The following ADGRV1 variants were observed in gnomAD, a reference collection of about 807,000 sequenced individuals.
The protein encoded by ADGRV1 is G-protein coupled receptor 98.
ADGRV1 carries 359 observed loss-of-function variants against 596.2 expected under a neutral mutation model. The ratio of observed to expected loss-of-function variants is 0.60; its 90% CI spans 0.55 to 0.66. ADGRV1 has a LOEUF of 0.66. ADGRV1 is among the 30% of genes least tolerant of loss of function. The pLI, the probability that ADGRV1 is intolerant of heterozygous loss-of-function variation, is 0.00. For synonymous variants in ADGRV1, 2,681 were observed against 2,679.2 expected (o/e 1.00, Z -0.02); for missense variants, 7,274 against 7,575.6 (o/e 0.96, Z 1.48).
At chr5:90,931,807 T>C (rs1469476378) in intron 83 of ADGRV1, among the ~76,000 whole-genome samples, 1 of 152,190 alleles carries the variant, frequency 6.6e-6, no homozygotes, top group Non-Finnish European at 1.5e-5. Flanking sequence ...AGGCATATAC[T>C]TGAAAATCCT....
chr5:90,639,978 A>AAT (rs1159733232), intron 11 of ADGRV1, among the ~76,000 whole-genome samples: 2 of 152,210 alleles, frequency 1.3e-5, no homozygotes, highest in African/African-American at 4.8e-5. Flanking sequence ...ATTTCAACTC[A>AAT]ATATAGACAA....
chr5:90,795,325 T>C (rs1760574288), intron 70 of ADGRV1, among the ~76,000 whole-genome samples: 1 of 152,096 alleles, frequency 6.6e-6, no homozygotes, highest in South Asian at 2.1e-4. Context: ...GGGAGGAGCG[T>C]CCACCATGGC....
chr5:90,863,954 C>T, intron 83 of ADGRV1, 97 bp downstream of exon 83: 1 of 780,398 alleles, frequency 1.3e-6, no homozygotes, highest in Non-Finnish European at 2.2e-6. Flanking sequence ...TTAATCTCAA[C>T]TTAGTTGAAA....
intron 87 of ADGRV1, among the ~76,000 whole-genome samples, chr5:91,105,085 T>C (rs577273225): frequency 6.6e-6 from 1 of 152,216 alleles, no homozygotes; most frequent in Non-Finnish European, 1.5e-5. Flanking sequence ...CCCAGGCTGC[T>C]CTTGAACTCC....
At chr5:90,836,296 C>A (rs1429735673) in intron 77 of ADGRV1, among the ~76,000 whole-genome samples, 1 of 152,140 alleles carries the variant, frequency 6.6e-6, no homozygotes, top group African/African-American at 2.4e-5. Flanking sequence ...TTTATAGTAG[C>A]TTATTAATAA....
intron 61 of ADGRV1, among the ~76,000 whole-genome samples, 181 bp from the exon 62 acceptor site, chr5:90,777,724 G>C (rs960803948): frequency 2.0e-5 from 3 of 151,960 alleles, no homozygotes; most frequent in Non-Finnish European, 2.9e-5. Flanking sequence ...TAATACTTTG[G>C]GTGTTACTAT....
intron 85 of ADGRV1, among the ~76,000 whole-genome samples, chr5:90,992,298 T>G (rs549613621): frequency 2.0e-5 from 3 of 152,358 alleles, no homozygotes; most frequent in South Asian, 2.1e-4. Flanking sequence ...TTATGGCGAT[T>G]AATTATACAA....
At chr5:90,863,216 T>G (rs575197087) in intron 82 of ADGRV1, among the ~76,000 whole-genome samples, 3 of 152,344 alleles carry the variant, frequency 2.0e-5, no homozygotes, top group Admixed American at 1.3e-4. Flanking sequence ...AATTGCAAGA[T>G]AAAAGATTTG....
At chr5:91,063,622 T>C (rs192644676) in intron 85 of ADGRV1, among the ~76,000 whole-genome samples, 33 of 152,368 alleles carry the variant, frequency 2.2e-4, no homozygotes, top group Admixed American at 1.8e-3. Context: ...CAGATGATTC[T>C]GATGTTAGTT....
rs747541782 is a variant in ADGRV1 at position 90,724,831 on chromosome 5, G to A, written c.9749-1G>A. 2 of 1,612,590 alleles carry A rather than the reference G, an allele frequency of 1.2e-6. No homozygotes were observed. The highest frequency in any genetic ancestry group is 1.7e-6 in the Non-Finnish European group (2 of 1,179,136). The stretch of plus-strand genomic sequence containing the variant: ...AGTAAACCATGATTTGTGTTTTTCA[G>A]GGGGAATGGATGTTGTGTTTTCCGT... On this transcript the variant is annotated splice_acceptor_variant, in intron 45 of 89. Transcript: ENST00000405460. LOFTEE classifies it high-confidence loss of function.
chr5:90,840,899 AAC>A lies in ADGRV1; in HGVS notation c.16935_16936del (p.Asn5645LysfsTer17), dbSNP rs1197891109. ...TCAGCCTGTGAATGATGATATTCTC[AAC>A]AGAGTGCTCCATACCATCAGCATGA... ...LHQPVNDDILNRVLHTISMKV... is the reference protein window; with the variant it reads ...LHQPVNDDILXRVLHTISMKV... On this transcript the variant is annotated frameshift_variant, in exon 78 of 90. Coordinates refer to ENST00000405460, the MANE Select transcript of ADGRV1 (RefSeq NM_032119.4). LOFTEE classifies it high-confidence loss of function. The A allele has an allele frequency of 6.3e-7, 1 of 1,588,314 alleles. No homozygotes were observed. Among genetic ancestry groups the A allele is most frequent in the Non-Finnish European group, 8.6e-7 (1 of 1,165,262 alleles).
intron 85 of ADGRV1, among the ~76,000 whole-genome samples, chr5:91,035,005 CAAGCAATCCTCCCA>C (rs761551432): frequency 4.6e-5 from 7 of 152,132 alleles, no homozygotes; most frequent in Non-Finnish European, 7.4e-5. Flanking sequence ...CTCCTGGCCT[CAAGCAATCCTCCCA>C]AAGTACTGGG....
chr5:91,051,730 G>A (rs1786350394), intron 85 of ADGRV1, among the ~76,000 whole-genome samples: 2 of 151,890 alleles, frequency 1.3e-5, no homozygotes, highest in East Asian at 1.9e-4. Context: ...TGTATTTTTA[G>A]TAGAGATGGG....
At chr5:90,972,314 A>G (rs1779115970) in intron 84 of ADGRV1, among the ~76,000 whole-genome samples, 1 of 152,188 alleles carries the variant, frequency 6.6e-6, no homozygotes, top group South Asian at 2.1e-4. Flanking sequence ...GTTAACAAGG[A>G]TATCCAGGAA....
chr5:90,735,827 T>C (rs915252575), intron 50 of ADGRV1, among the ~76,000 whole-genome samples: 20 of 152,182 alleles, frequency 1.3e-4, no homozygotes, highest in Middle Eastern at 3.2e-3. Context: ...TGATTTTGTA[T>C]CCTACGACTT....
chr5:90,828,848 A>C (rs1764278807), intron 76 of ADGRV1, 96 bp from the exon 77 acceptor site: 2 of 664,498 alleles, frequency 3.0e-6, no homozygotes, highest in Admixed American at 7.4e-5. Context: ...TTCTCTAAAA[A>C]TGTATATGAA....
chr5:91,155,129 G>A (rs1796371750), intron 89 of ADGRV1, among the ~76,000 whole-genome samples: 1 of 152,110 alleles, frequency 6.6e-6, no homozygotes, highest in Non-Finnish European at 1.5e-5. Context: ...ATGAAGCTTA[G>A]AGTTTGCTAG....
intron 83 of ADGRV1, among the ~76,000 whole-genome samples, chr5:90,871,844 A>G (rs1018937648): frequency 1.3e-5 from 2 of 152,240 alleles, no homozygotes; most frequent in African/African-American, 4.8e-5. Context: ...ATGGGGTAAC[A>G]TCTGTCAACT....
intron 83 of ADGRV1, among the ~76,000 whole-genome samples, chr5:90,937,603 A>G (rs4916696): frequency 0.22 from 34,000 of 151,680 alleles, 4,503 homozygotes; most frequent in East Asian, 0.4. Flanking sequence ...GACTACAGGC[A>G]CCCACCACCA....
Sources: allele counts gnomAD v4.1 joint callset (sites outside exome capture counted in the v4.1 genomes callset), GRCh38; gene constraint gnomAD v4.1.1; transcripts MANE v1.5; gene names NCBI Gene and HGNC (gene_info 2026-07-23, HGNC 2026-07-21).